CDH23: variants seen among roughly 807,000 people sequenced by gnomAD.
CDH23 encodes the protein cadherin-23.
Under a neutral mutation model 317.1 loss-of-function variants are expected in CDH23, and 189 were observed. That is an observed-to-expected ratio of 0.60 (90% CI 0.53 to 0.67). The LOEUF (loss-of-function observed/expected upper bound fraction) is 0.67. Among genes scored for constraint, CDH23 ranks in the 30% least tolerant of loss-of-function variants. CDH23 has a pLI of 0.00. For synonymous variants in CDH23, 1,839 were observed against 1,876.8 expected, an observed-to-expected ratio of 0.98 and a Z score of 0.52; for missense variants, 4,401 against 4,592.4, an observed-to-expected ratio of 0.96 and a Z score of 1.20.
At chr10:71,615,882 G>A (rs1430220259) in intron 10 of CDH23, among the ~76,000 whole-genome samples, 2 of 152,212 alleles carry the variant, frequency 1.3e-5, no homozygotes, top group African/African-American at 4.8e-5. Context: ...CTCTCAGCGG[G>A]AGGCACACAG....
At chr10:71,668,493 G>C (rs1377271433) in intron 14 of CDH23, among the ~76,000 whole-genome samples, 1 of 152,176 alleles carries the variant, frequency 6.6e-6, no homozygotes, top group Non-Finnish European at 1.5e-5. Flanking sequence ...TAACCATGTT[G>C]ATTCATGTTC....
At position 71,706,893 on chromosome 10, in the gene CDH23, G is replaced by A. The variant is rs777471624; in HGVS notation, c.2954-4G>A. The A allele has an allele frequency of 1.6e-5, 26 of 1,594,218 alleles. No homozygotes were observed. Among genetic ancestry groups the A allele is most frequent in the African/African-American group, 2.7e-5 (2 of 74,550 alleles). The stretch of plus-strand genomic sequence containing the variant: ...CTAGCCCCGGCGCCCGTTCTGCCCC[G>A]CAGTGCTGGATGTGAACGACGAGAC... On this transcript the variant is annotated splice_region_variant and splice_polypyrimidine_tract_variant and intron_variant, in intron 25 of 69. Coordinates refer to ENST00000224721, the MANE Select transcript of CDH23 (RefSeq NM_022124.6).
intron 1 of CDH23, among the ~76,000 whole-genome samples, chr10:71,409,665 C>T (rs1490109874): frequency 6.6e-6 from 1 of 152,110 alleles, no homozygotes; most frequent in East Asian, 1.9e-4. Context: ...GTTCTGAGTG[C>T]TGTCAGCAGG....
chr10:71,651,123 G>A (rs962737336), intron 14 of CDH23, among the ~76,000 whole-genome samples: 1 of 152,186 alleles, frequency 6.6e-6, no homozygotes, highest in Non-Finnish European at 1.5e-5. Flanking sequence ...AGAGATCAGG[G>A]AGTACGCGAA....
At chr10:71,763,503 G>A (rs1439048314) in intron 38 of CDH23, among the ~76,000 whole-genome samples, 3 of 152,098 alleles carry the variant, frequency 2.0e-5, no homozygotes. Flanking sequence ...CAGGACCCTC[G>A]GCGGCAGGCT....
intron 1 of CDH23, among the ~76,000 whole-genome samples, chr10:71,411,190 G>A (rs1444009915): frequency 1.3e-5 from 2 of 152,154 alleles, no homozygotes. Flanking sequence ...TTTTGATTGA[G>A]ACTGCATCAA....
chr10:71,716,424 A>T (rs1417321173), intron 28 of CDH23: 1 of 1,149,712 alleles, frequency 8.7e-7, no homozygotes, highest in Non-Finnish European at 1.2e-6. Context: ...TACCTAGGGA[A>T]TGTGGATGGG....
chr10:71,728,747 G>A (rs1866924583), intron 30 of CDH23, among the ~76,000 whole-genome samples: 1 of 152,120 alleles, frequency 6.6e-6, no homozygotes, highest in African/African-American at 2.4e-5. Context: ...TCCTGTTCTG[G>A]GGCCAGCTCA....
At position 71,810,046 on chromosome 10, in the gene CDH23, T is replaced by C; in HGVS notation, c.8949T>C (p.Thr2983=). ...EEFIHLLSNI[T]GAIVNTDNVQ... The stretch of plus-strand genomic sequence containing the variant: ...TCATCCACCTGCTCTCCAACATCAC[T>C]GGGGCCATTGTCAATACTGACAATG... Residue 2983 remains threonine (T), a synonymous_variant, in exon 61 of 70, where the codon ACT becomes ACC. Coordinates refer to ENST00000224721, the MANE Select transcript of CDH23 (RefSeq NM_022124.6). The C allele has an allele frequency of 6.2e-7, 1 of 1,612,534 alleles. No individual in the cohort carries two copies. Among genetic ancestry groups the C allele is most frequent in the South Asian group, 1.1e-5 (1 of 91,080 alleles).
Position 71,615,544 on chromosome 10 carries a change from A to C in CDH23, c.873A>C (p.Gly291=), listed in dbSNP as rs2132515119. The C allele has an allele frequency of 6.2e-7, 1 of 1,613,432 alleles. No homozygotes were observed. Among genetic ancestry groups the C allele is most frequent in the South Asian group, 1.1e-5 (1 of 91,050 alleles). The change falls in exon 10 of 70, where the codon GGA becomes GGC. Residue 291 remains glycine, a synonymous_variant. Transcript: ENST00000224721. ...TCTTTGCCCTGGACTACATCAGCGG[A>C]GTGCTGACCTTGAATGGCCTGCTGG... ...NSIFALDYIS[G]VLTLNGLLDR...
At chr10:71,757,307 C>T (rs142567027) in intron 38 of CDH23, among the ~76,000 whole-genome samples, 9 of 152,344 alleles carry the variant, frequency 5.9e-5, no homozygotes, top group Admixed American at 5.9e-4. Context: ...TAACTTCTAT[C>T]CCCAGGTAGA....
intron 6 of CDH23, among the ~76,000 whole-genome samples, chr10:71,555,759 G>A (rs898281495): frequency 1.3e-5 from 2 of 152,208 alleles, no homozygotes; most frequent in African/African-American, 2.4e-5. Context: ...AGCTGGGGCT[G>A]TTTCATGCTT....
At chr10:71,493,660 G>A (rs1039308013) in intron 3 of CDH23, among the ~76,000 whole-genome samples, 5 of 152,266 alleles carry the variant, frequency 3.3e-5, no homozygotes, top group South Asian at 2.1e-4. Context: ...CACAGCACAC[G>A]TTACTGTAAT....
At chr10:71,545,897 C>T (rs762990488) in intron 6 of CDH23, among the ~76,000 whole-genome samples, 1 of 152,170 alleles carries the variant, frequency 6.6e-6, no homozygotes, top group African/African-American at 2.4e-5. Flanking sequence ...AGGCCACCCC[C>T]ACCCCCCAGG....
At chr10:71,740,773 C>G (rs1564769258) in intron 36 of CDH23, 49 bp from the exon 37 acceptor site, 3 of 1,611,174 alleles carry the variant, frequency 1.9e-6, no homozygotes, top group Non-Finnish European at 1.7e-6. Context: ...TATTCCCAAT[C>G]CTGCCCGCCA....
intron 21 of CDH23, among the ~76,000 whole-genome samples, chr10:71,695,212 C>T (rs1865336259): frequency 1.3e-5 from 2 of 152,240 alleles, no homozygotes; most frequent in African/African-American, 4.8e-5. Context: ...CCTGATGGGA[C>T]AACACTGGAA....
chr10:71,551,023 G>A (rs796203551), intron 6 of CDH23, among the ~76,000 whole-genome samples: 8 of 152,314 alleles, frequency 5.3e-5, no homozygotes, highest in African/African-American at 1.2e-4. Flanking sequence ...ACAAACGAGC[G>A]GCAAACCTAA....
chr10:71,759,157 C>A (rs1164536688), intron 38 of CDH23, among the ~76,000 whole-genome samples: 1 of 152,068 alleles, frequency 6.6e-6, no homozygotes, highest in Non-Finnish European at 1.5e-5. Context: ...CTTGCCTCAG[C>A]CTCTTGAGTA....
At chr10:71,544,887 A>C (rs899969773) in intron 6 of CDH23, among the ~76,000 whole-genome samples, 2 of 152,034 alleles carry the variant, frequency 1.3e-5, no homozygotes, top group African/African-American at 4.8e-5. Flanking sequence ...ACAGTTAGAG[A>C]GTCATTTTAT....
Sources: gnomAD v4.1 joint callset for allele counts (sites outside exome capture counted in the v4.1 genomes callset) on GRCh38, gnomAD v4.1.1 for gene constraint, MANE v1.5 for transcripts, NCBI Gene and HGNC (gene_info 2026-07-23, HGNC 2026-07-21) for gene names.